Variants in SOAT1 observed in about 807,000 individuals in gnomAD.
The protein encoded by SOAT1 is sterol O-acyltransferase 1, also known as acyl-coenzyme A:cholesterol acyltransferase 1.
A neutral mutation model predicts 69.5 loss-of-function variants in SOAT1; 55 were observed. The ratio of observed to expected loss-of-function variants is 0.79; its 90% CI spans 0.64 to 0.99. The LOEUF (loss-of-function observed/expected upper bound fraction) is 0.99. Among genes scored for constraint, SOAT1 ranks in the 50% least tolerant of loss-of-function variants. The pLI, the probability that SOAT1 is intolerant of heterozygous loss-of-function variation, is 0.00. For missense variants in SOAT1, 580 were observed against 669.3 expected, an observed-to-expected ratio of 0.87 and a Z score of 1.47; for synonymous variants, 231 against 224.7, an observed-to-expected ratio of 1.03 and a Z score of -0.25.
At position 179,349,301 on chromosome 1, in the gene SOAT1, G is replaced by A. The variant is rs1237877777; in HGVS notation, c.1314+359G>A. Among the ~76,000 whole-genome samples, 4 of 142,956 alleles carry A rather than the reference G, an allele frequency of 2.8e-5. No homozygotes were observed. In the East Asian group the frequency reaches 6.1e-4, roughly 22 times the overall value. 93.8% of individuals were successfully genotyped at this position (142,956 alleles called of 152,430 possible). On this transcript the variant is annotated intron_variant, in intron 13 of 15. Coordinates refer to ENST00000367619, the MANE Select transcript of SOAT1 (RefSeq NM_003101.6). ...AATCTCCCTTTGGTCTTTTTCATTCGTTTTTCATGGTTAAAGGTAGAGAAA... is the reference window on the plus strand; with the variant it reads ...AATCTCCCTTTGGTCTTTTTCATTCATTTTTCATGGTTAAAGGTAGAGAAA...
Position 179,353,699 on chromosome 1 carries a change from G to T in SOAT1, c.*58G>T. The T allele has an allele frequency of 2.1e-6, 3 of 1,408,324 alleles. No individual in the cohort carries two copies. The highest frequency in any genetic ancestry group is 3.0e-6 in the Non-Finnish European group (3 of 995,178). The allele number at this position is 1,408,324 out of a possible 1,614,324, so 87.2% of individuals were successfully genotyped here. A position where few individuals can be genotyped will look rare whatever the true frequency, so the allele number is the denominator to read the frequency against. On this transcript the variant is annotated 3_prime_UTR_variant, in exon 16 of 16. Transcript: ENST00000367619. ...AGATTGGGTAGCTCCCTGATTTGGA[G>T]CCAGCTGTTTCCAGTTGTTACTGAA... is the stretch of plus-strand genomic sequence containing the variant.
intron 9 of SOAT1, 42 bp downstream of exon 9, chr1:179,342,985 T>C: frequency 6.7e-7 from 1 of 1,502,222 alleles, no homozygotes; most frequent in Non-Finnish European, 9.3e-7. Context: ...ACACCAAAAG[T>C]GTGGCATGAG....
chr1:179,341,450 A>C (rs1274484984), intron 7 of SOAT1, 140 bp downstream of exon 7: 1 of 851,406 alleles, frequency 1.2e-6, no homozygotes, highest in Non-Finnish European at 1.8e-6. Context: ...ATTATCTGTA[A>C]AATTGTTAAA....
At chr1:179,305,860 G>A (rs1332246119) in intron 2 of SOAT1, among the ~76,000 whole-genome samples, 1 of 147,948 alleles carries the variant, frequency 6.8e-6, no homozygotes, top group Admixed American at 6.8e-5. Flanking sequence ...GCTTGAAGTT[G>A]GTGTGCATAA....
chr1:179,358,518 TGG>T lies in SOAT1; in HGVS notation c.*4879_*4880del, dbSNP rs1666980879. 6.6e-6 allele frequency: 1 copy of T among 152,218 alleles called. No homozygotes were observed. Among genetic ancestry groups the T allele is most frequent in the African/African-American group, 2.4e-5 (1 of 41,460 alleles). The allele number at this position is 152,218 out of a possible 1,614,324, so 9.4% of individuals were successfully genotyped here. ...ATGGAAAAAGGTGCCAATTTTGGAT[TGG>T]GAAAGGAGCTGAAGCCCCAGTCAAG... On this transcript the variant is annotated 3_prime_UTR_variant, in exon 16 of 16. Transcript: ENST00000367619.
chr1:179,345,062 A>G lies in SOAT1; in HGVS notation c.1103A>G (p.Asn368Ser). The part of the protein sequence containing the change: ...SARVLVLCVF[N>S]SILPGVLILF... ...CGTGTTCTGGTCCTATGTGTATTTA[A>G]CTCCATCTTGCCAGGTAACATGGGT... The change falls in exon 11 of 16, where the codon AAC becomes AGC. Residue 368 changes from asparagine to serine, a missense_variant. Asn to Ser is a conservative substitution (Grantham distance 46). Transcript: ENST00000367619. 6.2e-7 allele frequency: 1 copy of G among 1,613,846 alleles called. No individual in the cohort carries two copies. The highest frequency in any genetic ancestry group is 8.5e-7 in the Non-Finnish European group (1 of 1,179,916).
chr1:179,343,114 AT>A (rs11350945), intron 9 of SOAT1, among the ~76,000 whole-genome samples, 171 bp downstream of exon 9: 69,444 of 151,994 alleles, frequency 0.46, 15,988 homozygotes, highest in Non-Finnish European at 0.5. Flanking sequence ...GTCTAATTTG[AT>A]TATAGTAATT....
chr1:179,298,195 TGCCTCA>T (rs1393576443), intron 1 of SOAT1, among the ~76,000 whole-genome samples: 7 of 151,888 alleles, frequency 4.6e-5, no homozygotes, highest in South Asian at 4.2e-4. Context: ...GCGATTCTTC[TGCCTCA>T]GCCTCCTGAG....
intron 4 of SOAT1, among the ~76,000 whole-genome samples, chr1:179,336,549 T>G (rs1666165179): frequency 6.6e-6 from 1 of 151,732 alleles, no homozygotes; most frequent in South Asian, 2.1e-4. Context: ...ACATGATGAA[T>G]TCATTTAAAC....
At chr1:179,319,569 G>C (rs150989641) in intron 2 of SOAT1, among the ~76,000 whole-genome samples, 81 of 151,746 alleles carry the variant, frequency 5.3e-4, no homozygotes, top group African/African-American at 1.9e-3. Context: ...CGCACCTGGC[G>C]TACTTTGCCT....
At chr1:179,350,245 C>A (rs779314551) in intron 13 of SOAT1, 51 bp from the exon 14 acceptor site, 2 of 1,514,658 alleles carry the variant, frequency 1.3e-6, no homozygotes, top group Non-Finnish European at 1.8e-6. Context: ...ATAATCCATG[C>A]TTGCTTTAAA....
At chr1:179,306,830 C>CAGAAA (rs1553243339) in intron 2 of SOAT1, among the ~76,000 whole-genome samples, 5 of 96,646 alleles carry the variant, frequency 5.2e-5, no homozygotes, top group Admixed American at 1.1e-4. Flanking sequence ...GACTCCATCT[C>CAGAAA]AAAAAAAAAA....
chr1:179,326,550 C>CTTTTTTTTTTTTTTTTTTTTTTTTTT (rs10568516), intron 3 of SOAT1, among the ~76,000 whole-genome samples: 3 of 106,256 alleles, frequency 2.8e-5, no homozygotes, highest in African/African-American at 4.1e-5. Context: ...AATTTCTTTT[C>CTTTTTTTTTTTTTTTTTTTTTTTTTT]TTTTTTTTTT....
At chr1:179,341,934 G>T in intron 7 of SOAT1, 180 bp from the exon 8 acceptor site, 1 of 418,448 alleles carries the variant, frequency 2.4e-6, no homozygotes, top group Non-Finnish European at 3.2e-6. Context: ...CTTCACTTTT[G>T]AAATGTCAGA....
At chr1:179,327,083 A>T (rs16853917) in intron 3 of SOAT1, among the ~76,000 whole-genome samples, 32,970 of 152,042 alleles carry the variant, frequency 0.22, 4,580 homozygotes, top group East Asian at 0.38. Context: ...ACACAATCTT[A>T]CTTACTTACA....
Position 179,324,430 on chromosome 1 carries a change from A to G in SOAT1, c.177+935A>G, listed in dbSNP as rs181851036. Among the ~76,000 whole-genome samples the G allele has an allele frequency of 5.3e-5, 8 of 150,976 alleles. No homozygotes were observed. In the East Asian group the frequency reaches 1.6e-3, roughly 30 times the overall value. On this transcript the variant is annotated intron_variant, in intron 3 of 15. Transcript: ENST00000367619. ...TTAAAGAACATATTTGCTTAACATT[A>G]AGAGATCTACCCTGTCCTCCTTCCA...
intron 2 of SOAT1, among the ~76,000 whole-genome samples, chr1:179,306,849 AAGC>A (rs1388703524): frequency 6.6e-6 from 1 of 151,084 alleles, no homozygotes; most frequent in African/African-American, 2.4e-5. Flanking sequence ...AAAAAAAAAA[AAGC>A]AGCACCACCA....
chr1:179,345,920 A>AT (rs139395415), intron 11 of SOAT1, among the ~76,000 whole-genome samples: 69,603 of 151,710 alleles, frequency 0.46, 16,092 homozygotes, highest in Non-Finnish European at 0.5. Context: ...TATTTATTGC[A>AT]TTTTTTTGTC....
At chr1:179,314,829 T>C (rs1665338386) in intron 2 of SOAT1, among the ~76,000 whole-genome samples, 1 of 152,198 alleles carries the variant, frequency 6.6e-6, no homozygotes, top group South Asian at 2.1e-4. Context: ...GGAATAAATT[T>C]TAAACATTCC....
Sources: gnomAD v4.1 joint callset for allele counts (sites outside exome capture counted in the v4.1 genomes callset) on GRCh38, gnomAD v4.1.1 for gene constraint, MANE v1.5 for transcripts, NCBI Gene and HGNC (gene_info 2026-07-23, HGNC 2026-07-21) for gene names.